PCDHGA1: variants seen among roughly 807,000 people sequenced by gnomAD.
PCDHGA1 encodes the protein protocadherin gamma-A1.
Under a neutral mutation model 58.0 loss-of-function variants are expected in PCDHGA1, and 32 were observed. The ratio of observed to expected loss-of-function variants is 0.55; its 90% CI spans 0.42 to 0.74. PCDHGA1 has a LOEUF of 0.74. PCDHGA1 is among the 30% of genes least tolerant of loss of function. PCDHGA1 has a pLI of 0.00. For missense variants in PCDHGA1, 1,205 were observed against 1,182.3 expected, an observed-to-expected ratio of 1.02 and a Z score of -0.28; for synonymous variants, 498 against 501.1, an observed-to-expected ratio of 0.99 and a Z score of 0.08.
chr5:141,427,638 C>A, intron 1 of PCDHGA1: 1 of 708,528 alleles, frequency 1.4e-6, no homozygotes, highest in East Asian at 2.7e-5. Context: ...GGTTTTCCAC[C>A]AAGTCTCCTA....
At chr5:141,413,070 T>G (rs990993849) in intron 1 of PCDHGA1, 1 of 1,195,014 alleles carries the variant, frequency 8.4e-7, no homozygotes, top group African/African-American at 1.5e-5. Context: ...GAATTTAAAG[T>G]GCCCAGGCTA....
chr5:141,428,159 G>A (rs1377084529), intron 1 of PCDHGA1: 1 of 1,571,752 alleles, frequency 6.4e-7, no homozygotes, highest in East Asian at 2.2e-5. Context: ...GAACCTGCTG[G>A]TTGCTGTGCG....
rs551458033 is a variant in PCDHGA1 at position 141,361,995 on chromosome 5, G to C, written c.2421+28890G>C. The C allele has an allele frequency of 8.7e-6, 14 of 1,603,208 alleles. No individual in the cohort carries two copies. The East Asian group carries it at 2.5e-4, about 28-fold the overall frequency. On this transcript the variant is annotated intron_variant, in intron 1 of 3. Coordinates refer to ENST00000517417, the MANE Select transcript of PCDHGA1 (RefSeq NM_018912.3). ...GCGAGCCCGGGCTCTTCAGCCTGGG[G>C]TTGCGCACGGGTGAGGTGCGCACAG... is the stretch of plus-strand genomic sequence containing the variant.
intron 1 of PCDHGA1, chr5:141,371,527 T>G: frequency 2.5e-6 from 4 of 1,613,816 alleles, no homozygotes; most frequent in Non-Finnish European, 3.4e-6. Context: ...GATTCTGGAT[T>G]TAATGGAGAA....
intron 1 of PCDHGA1, among the ~76,000 whole-genome samples, chr5:141,354,833 G>T (rs1281888392): frequency 1.3e-5 from 2 of 152,148 alleles, no homozygotes. Flanking sequence ...GGAAGACTTG[G>T]ATCATTCTTG....
intron 1 of PCDHGA1, chr5:141,421,777 CG>C (rs760013586): frequency 1.2e-6 from 2 of 1,613,804 alleles, no homozygotes; most frequent in Admixed American, 3.3e-5. Flanking sequence ...CTTGCAACTG[CG>C]GGGCAGAACG....
intron 1 of PCDHGA1, chr5:141,350,684 T>A: frequency 6.2e-7 from 1 of 1,613,968 alleles, no homozygotes; most frequent in South Asian, 1.1e-5. Context: ...AATTTGTGAG[T>A]CAGCCTTACC....
chr5:141,340,219 C>A, intron 1 of PCDHGA1: 1 of 1,614,152 alleles, frequency 6.2e-7, no homozygotes, highest in Non-Finnish European at 8.5e-7. Context: ...AACAGTTTTC[C>A]TTTTACAACA....
chr5:141,491,434 A>T lies in PCDHGA1; in HGVS notation c.2422-3373A>T. 6.2e-7 allele frequency: 1 copy of T among 1,614,032 alleles called. No homozygotes were observed. Among genetic ancestry groups the T allele is most frequent in the Non-Finnish European group, 8.5e-7 (1 of 1,179,988 alleles). On this transcript the variant is annotated intron_variant, in intron 1 of 3. Transcript: ENST00000517417. The surrounding 1 kb of genome is among the most constrained non-coding windows in gnomAD (Gnocchi z 6.9). ...GGACGGGGGTGGAGGGCAGTGCTGC[A>T]GGCGCCAGGACTCACCCTCCCCGGA...
At chr5:141,415,982 T>G in intron 1 of PCDHGA1, 1 of 342,492 alleles carries the variant, frequency 2.9e-6, no homozygotes, top group Non-Finnish European at 4.9e-6. Flanking sequence ...AGCAACCCTC[T>G]TGTTCTGAAG....
Position 141,477,020 on chromosome 5 carries a change from G to C in PCDHGA1, c.2422-17787G>C, listed in dbSNP as rs1383192345. The C allele has an allele frequency of 6.2e-7, 1 of 1,614,224 alleles. No homozygotes were observed. The highest frequency in any genetic ancestry group is 8.5e-7 in the Non-Finnish European group (1 of 1,180,048). On this transcript the variant is annotated intron_variant, in intron 1 of 3. Coordinates refer to ENST00000517417, the MANE Select transcript of PCDHGA1 (RefSeq NM_018912.3). The surrounding 1 kb of genome is among the most constrained non-coding windows in gnomAD (Gnocchi z 4.9). ...ACTATTCGCCTTAGACCTTGTAACC[G>C]GGATGCTGACAATCAAGGGTCGGCT...
chr5:141,383,761 C>G (rs923900490), intron 1 of PCDHGA1: 15 of 1,613,834 alleles, frequency 9.3e-6, no homozygotes, highest in Non-Finnish European at 1.1e-5. Flanking sequence ...AACTCCTAAA[C>G]TTCCAAAGAT....
chr5:141,406,781 T>C (rs1054583306), intron 1 of PCDHGA1, among the ~76,000 whole-genome samples: 4 of 152,218 alleles, frequency 2.6e-5, no homozygotes, highest in Non-Finnish European at 5.9e-5. Context: ...CTCTCACTTA[T>C]ATATTATTTC....
intron 1 of PCDHGA1, chr5:141,403,105 C>G (rs1226095779): frequency 6.2e-7 from 1 of 1,614,056 alleles, no homozygotes; most frequent in East Asian, 2.2e-5. Context: ...TCTCCAAGGA[C>G]CTGGCTCTGG....
intron 1 of PCDHGA1, among the ~76,000 whole-genome samples, chr5:141,433,482 C>T (rs935076625): frequency 3.3e-5 from 5 of 152,110 alleles, no homozygotes; most frequent in African/African-American, 9.6e-5. Flanking sequence ...TAGCCTCCTG[C>T]TTCTCCCTCC....
At chr5:141,340,657 C>T (rs1157138663) in intron 1 of PCDHGA1, 2 of 1,614,126 alleles carry the variant, frequency 1.2e-6, no homozygotes, top group Non-Finnish European at 8.5e-7. Context: ...CGCCCGAGAT[C>T]CTGTACCCTG....
At chr5:141,399,557 TG>T in intron 1 of PCDHGA1, 1 of 1,613,968 alleles carries the variant, frequency 6.2e-7, no homozygotes, top group Non-Finnish European at 8.5e-7. Context: ...GACCTGGACT[TG>T]GGGTTGAACG....
chr5:141,477,469 T>C lies in PCDHGA1; in HGVS notation c.2422-17338T>C, dbSNP rs2099411540. ...TGCGTGTTCAAGTGTCCGACATCAA[T>C]GACAACCCTCCACAATCTTCTCAAT... On this transcript the variant is annotated intron_variant, in intron 1 of 3. Coordinates refer to ENST00000517417, the MANE Select transcript of PCDHGA1 (RefSeq NM_018912.3). The surrounding 1 kb of genome is among the most constrained non-coding windows in gnomAD (Gnocchi z 4.9). 6.2e-7 allele frequency: 1 copy of C among 1,614,028 alleles called. No homozygotes were observed. Among genetic ancestry groups the C allele is most frequent in the South Asian group, 1.1e-5 (1 of 91,078 alleles).
chr5:141,505,596 T>G (rs2099846990), intron 3 of PCDHGA1, 115 bp downstream of exon 3: 1 of 1,562,168 alleles, frequency 6.4e-7, no homozygotes, highest in African/African-American at 1.4e-5. Context: ...CTCCAGATCT[T>G]TCGGCAGGTC....
Sources: allele counts gnomAD v4.1 joint callset (sites outside exome capture counted in the v4.1 genomes callset), GRCh38; gene constraint gnomAD v4.1.1; non-coding constraint Gnocchi (gnomAD v3.1); transcripts MANE v1.5; gene names NCBI Gene and HGNC (gene_info 2026-07-23, HGNC 2026-07-21).